PMF1: variants seen among roughly 807,000 people sequenced by gnomAD.
The protein encoded by PMF1 is polyamine-modulated factor 1.
Under a neutral mutation model 26.7 loss-of-function variants are expected in PMF1, and 21 were observed. The observed-to-expected ratio is 0.79, with a 90% CI of 0.56 to 1.13. The LOEUF (loss-of-function observed/expected upper bound fraction) is 1.13, where lower values mean the gene tolerates loss of function less well. PMF1 is among the 50% of genes most tolerant of loss of function. PMF1 has a pLI of 0.00. For missense variants in PMF1, 266 were observed against 254.9 expected (o/e 1.04, Z -0.30); for synonymous variants, 105 against 101.0 (o/e 1.04, Z -0.24).
chr1:156,230,851 C>T (rs1658657480), intron 1 of PMF1, among the ~76,000 whole-genome samples: 1 of 151,848 alleles, frequency 6.6e-6, no homozygotes, highest in African/African-American at 2.4e-5. Context: ...TGCTTGAGCC[C>T]AGGAGTTTTT....
rs1409142781 is a variant in PMF1 at position 156,229,592 on chromosome 1, T to TG, written c.162-2726dup. 2.0e-5 allele frequency among the ~76,000 whole-genome samples: 3 copies of TG among 149,918 alleles called. No homozygotes were observed. In the East Asian group the frequency reaches 5.9e-4, roughly 29 times the overall value. On this transcript the variant is annotated intron_variant, in intron 1 of 4. Coordinates refer to ENST00000368277, the MANE Select transcript of PMF1 (RefSeq NM_007221.4). ...TTTGTTTTTGTTTTTTTTTTTGAGATGGAGTGTCGCTCTTGTTGCCCAGGC... is the reference window on the plus strand; with the variant it reads ...TTTGTTTTTGTTTTTTTTTTTGAGATGGGAGTGTCGCTCTTGTTGCCCAGGC...
At chr1:156,234,935 G>T (rs1231337530) in intron 3 of PMF1, among the ~76,000 whole-genome samples, 1 of 152,118 alleles carries the variant, frequency 6.6e-6, no homozygotes. Flanking sequence ...GAGAAGTGGG[G>T]CCTGGGATGA....
Position 156,238,882 on chromosome 1 carries a change from G to GCC in PMF1, c.565-657_565-656dup, listed in dbSNP as rs35970509. ...AGGCGCGAAAGTGGTGGTGACAAAGGCCCCCCCCCCAAGCCTGGTGCCATC... is the reference window on the plus strand; with the variant it reads ...AGGCGCGAAAGTGGTGGTGACAAAGGCCCCCCCCCCCCAAGCCTGGTGCCATC... On this transcript the variant is annotated intron_variant, in intron 4 of 4. Transcript: ENST00000368277. Among the ~76,000 whole-genome samples, 1,430 of 148,338 alleles carry GCC rather than the reference G, an allele frequency of 9.6e-3. 15 individuals are homozygous for GCC. Among genetic ancestry groups the GCC allele is most frequent in the African/African-American group, 0.029 (1,158 of 40,200 alleles).
chr1:156,222,171 G>A (rs143965839), intron 1 of PMF1, among the ~76,000 whole-genome samples: 2 of 152,150 alleles, frequency 1.3e-5, no homozygotes, highest in Non-Finnish European at 2.9e-5. Context: ...GGAGTACAGC[G>A]CATGCACACC....
At chr1:156,230,513 G>A (rs1658632987) in intron 1 of PMF1, among the ~76,000 whole-genome samples, 1 of 152,156 alleles carries the variant, frequency 6.6e-6, no homozygotes, top group Non-Finnish European at 1.5e-5. Context: ...CCTGGTGGGT[G>A]ATCAGCATAT....
intron 1 of PMF1, chr1:156,225,788 T>G: frequency 6.4e-6 from 3 of 465,292 alleles, no homozygotes; most frequent in South Asian, 1.1e-4. Context: ...ACCAACAGAT[T>G]GACAAATGAC....
rs1353582802 is a variant in PMF1, at chr1:156,213,047, G to A, written c.32G>A (p.Ser11Asn). Residue 11 changes from serine to asparagine, a missense_variant, in exon 1 of 5, where the codon AGC becomes AAC. Physicochemically the swap from Ser to Asn is conservative, Grantham distance 46. Coordinates refer to ENST00000368277, the MANE Select transcript of PMF1 (RefSeq NM_007221.4). The stretch of plus-strand genomic sequence containing the variant: ...GAAGCAAGTAGCGCCAATCTAGGCA[G>A]CGGCTGTGAGGAAAAAAGGCATGAG... MAEASSANLG[S>N]GCEEKRHEGS... 4.3e-6 allele frequency: 7 copies of A among 1,614,224 alleles called. No individual in the cohort carries two copies. Among genetic ancestry groups the A allele is most frequent in the African/African-American group, 1.3e-5 (1 of 75,066 alleles).
At chr1:156,226,225 T>C (rs2736613) in intron 1 of PMF1, among the ~76,000 whole-genome samples, 52,326 of 152,100 alleles carry the variant, frequency 0.34, 9,300 homozygotes, top group African/African-American at 0.41. Context: ...AGGCTGATCT[T>C]GAACTCCTGG....
At position 156,239,710 on chromosome 1, in the gene PMF1, C is replaced by G. The variant is rs1659238912; in HGVS notation, c.*109C>G. On this transcript the variant is annotated 3_prime_UTR_variant, in exon 5 of 5. Transcript: ENST00000368277. ...GAGAACGGCTGAAATGGTGCCCAGT[C>G]CATCAGCAGTGATGGAATTTGCTGG... is the stretch of plus-strand genomic sequence containing the variant. The G allele has an allele frequency of 1.2e-6, 1 of 852,900 alleles. No individual in the cohort carries two copies. The highest frequency in any genetic ancestry group is 2.0e-6 in the Non-Finnish European group (1 of 511,494). The allele number at this position is 852,900 out of a possible 1,614,324, so 52.8% of individuals were successfully genotyped here.
At chr1:156,222,710 T>A (rs1044676618) in intron 1 of PMF1, among the ~76,000 whole-genome samples, 1 of 151,922 alleles carries the variant, frequency 6.6e-6, no homozygotes, top group African/African-American at 2.4e-5. Flanking sequence ...AGAGACGGGG[T>A]TTCACCATGT....
Position 156,233,608 on chromosome 1 carries a change from C to T in PMF1, c.268-20C>T. 6.2e-7 allele frequency: 1 copy of T among 1,611,652 alleles called. No homozygotes were observed. The highest frequency in any genetic ancestry group is 2.2e-5 in the East Asian group (1 of 44,862). On this transcript the variant is annotated intron_variant, in intron 2 of 4. Transcript: ENST00000368277. ...GAGCTCATCTCGTGTCATTACAGCT[C>T]TTTCCTCCTTTCTCTTCAGGAGGAA... is the stretch of plus-strand genomic sequence containing the variant.
intron 1 of PMF1, among the ~76,000 whole-genome samples, chr1:156,228,649 C>T (rs543644861): frequency 9.2e-5 from 14 of 152,240 alleles, no homozygotes; most frequent in African/African-American, 2.9e-4. Context: ...AAGAGAGATG[C>T]GTCCAGCTCA....
At chr1:156,227,502 T>TA (rs146193866) in intron 1 of PMF1, among the ~76,000 whole-genome samples, 45,905 of 147,306 alleles carry the variant, frequency 0.31, 7,176 homozygotes, top group Non-Finnish European at 0.34. Context: ...TTATTTTATT[T>TA]TATTTTTTTT....
intron 1 of PMF1, among the ~76,000 whole-genome samples, chr1:156,213,538 C>T (rs1657509059): frequency 6.6e-6 from 1 of 151,330 alleles, no homozygotes; most frequent in African/African-American, 2.4e-5. Flanking sequence ...GTGGCGTGAT[C>T]ACTGCAGACT....
At chr1:156,232,174 G>A (rs1402809596) in intron 1 of PMF1, 146 bp from the exon 2 acceptor site, 1 of 710,292 alleles carries the variant, frequency 1.4e-6, no homozygotes. Flanking sequence ...GTGCTTAGAT[G>A]AGAGATTTGC....
At chr1:156,217,855 A>G (rs1657862735) in intron 1 of PMF1, among the ~76,000 whole-genome samples, 1 of 152,160 alleles carries the variant, frequency 6.6e-6, no homozygotes, top group Admixed American at 6.5e-5. Context: ...TCAGCTCCTC[A>G]TCCATAAATT....
intron 4 of PMF1, chr1:156,236,787 A>G (rs1195327115): frequency 2.5e-6 from 1 of 404,984 alleles, no homozygotes; most frequent in Non-Finnish European, 4.5e-6. Context: ...TCCACATCAG[A>G]TTTGGAGTTA....
chr1:156,225,387 G>A (rs1051286042), intron 1 of PMF1, among the ~76,000 whole-genome samples: 1 of 147,368 alleles, frequency 6.8e-6, no homozygotes, highest in Admixed American at 7.0e-5. Context: ...CGAGATTTTG[G>A]TGCACCCATC....
intron 3 of PMF1, among the ~76,000 whole-genome samples, chr1:156,234,807 C>T (rs1658913105): frequency 6.6e-6 from 1 of 152,086 alleles, no homozygotes; most frequent in Non-Finnish European, 1.5e-5. Flanking sequence ...TCGCGCCCAG[C>T]CTCGATACTG....
Sources: gnomAD v4.1 joint callset for allele counts (sites outside exome capture counted in the v4.1 genomes callset) on GRCh38, gnomAD v4.1.1 for gene constraint, MANE v1.5 for transcripts, NCBI Gene and HGNC (gene_info 2026-07-23, HGNC 2026-07-21) for gene names.